The following PRKG1 variants were observed in gnomAD, a reference collection of about 807,000 sequenced individuals.
The protein encoded by PRKG1 is cGMP-dependent protein kinase 1.
PRKG1 carries 35 observed loss-of-function variants against 88.1 expected under a neutral mutation model. The observed-to-expected ratio is 0.40, with a 90% CI of 0.30 to 0.53. PRKG1 has a LOEUF of 0.53. PRKG1 is among the 20% of genes least tolerant of loss of function. PRKG1 has a pLI of 0.59. For synonymous variants in PRKG1, 303 were observed against 292.5 expected (o/e 1.04, Z -0.37); for missense variants, 540 against 839.8 (o/e 0.64, Z 4.41).
At chr10:51,721,514 C>T (rs999944926) in intron 3 of PRKG1, among the ~76,000 whole-genome samples, 7 of 152,086 alleles carry the variant, frequency 4.6e-5, no homozygotes, top group Admixed American at 1.3e-4. Flanking sequence ...TAGAAAAGTG[C>T]GGTGGAAATC....
chr10:52,062,596 A>C lies in PRKG1; in HGVS notation c.900A>C (p.Gly300=). 6.2e-7 allele frequency: 1 copy of C among 1,609,368 alleles called. No individual in the cohort carries two copies. Residue 300 remains glycine, a synonymous_variant, in exon 7 of 18, where the codon GGA becomes GGC. Transcript: ENST00000373980. The stretch of plus-strand genomic sequence containing the variant: ...ACCCAGTCTTTCTTAGAACTTTAGG[A>C]AAAGGAGACTGGTTTGGAGAGAAAG... ...SEDPVFLRTL[G]KGDWFGEKAL... is the part of the protein sequence containing the mutation.
At chr10:52,042,082 A>T (rs539265658) in intron 5 of PRKG1, among the ~76,000 whole-genome samples, 1 of 152,168 alleles carries the variant, frequency 6.6e-6, no homozygotes, top group Non-Finnish European at 1.5e-5. Flanking sequence ...AAACAGAAGG[A>T]TATTCTGTGT....
chr10:51,292,195 T>C (rs776494211), intron 2 of PRKG1, among the ~76,000 whole-genome samples: 3 of 152,190 alleles, frequency 2.0e-5, no homozygotes, highest in Non-Finnish European at 4.4e-5. Context: ...CTAAAGTTGT[T>C]TGTTTATCAA....
intron 3 of PRKG1, among the ~76,000 whole-genome samples, chr10:51,770,386 G>C (rs920803649): frequency 6.6e-6 from 1 of 152,222 alleles, no homozygotes; most frequent in Non-Finnish European, 1.5e-5. Context: ...GCCATCAGCA[G>C]TATGGTATTT....
intron 9 of PRKG1, among the ~76,000 whole-genome samples, chr10:52,211,217 T>C (rs1249428247): frequency 1.3e-5 from 2 of 151,708 alleles, no homozygotes; most frequent in African/African-American, 4.9e-5. Context: ...ACTTTCTGCC[T>C]GGGCTACAGT....
chr10:51,219,796 A>C (rs1452101329), intron 2 of PRKG1, among the ~76,000 whole-genome samples: 1 of 152,108 alleles, frequency 6.6e-6, no homozygotes, highest in Non-Finnish European at 1.5e-5. Flanking sequence ...AAGGATTGGC[A>C]GGAGAAGTTA....
intron 9 of PRKG1, among the ~76,000 whole-genome samples, chr10:52,170,154 A>G (rs574118731): frequency 6.6e-6 from 1 of 152,272 alleles, no homozygotes; most frequent in East Asian, 1.9e-4. Context: ...TCCATAAACT[A>G]TTTTTCCTGC....
chr10:51,948,774 G>T (rs1843117035), intron 5 of PRKG1, among the ~76,000 whole-genome samples: 2 of 151,998 alleles, frequency 1.3e-5, no homozygotes, highest in African/African-American at 4.8e-5. Flanking sequence ...TCAACTCTTG[G>T]TCACATAGTC....
intron 3 of PRKG1, among the ~76,000 whole-genome samples, chr10:51,601,275 T>A (rs948372950): frequency 6.6e-6 from 1 of 152,130 alleles, no homozygotes; most frequent in Non-Finnish European, 1.5e-5. Context: ...TCCTTTGTGA[T>A]TGAGTCCAAG....
At chr10:51,864,223 A>G (rs1461511109) in intron 4 of PRKG1, among the ~76,000 whole-genome samples, 1 of 152,202 alleles carries the variant, frequency 6.6e-6, no homozygotes, top group Non-Finnish European at 1.5e-5. Context: ...TCCTACTACT[A>G]TAATCAAACC....
intron 10 of PRKG1, among the ~76,000 whole-genome samples, chr10:52,270,192 C>T (rs1422535936): frequency 6.6e-6 from 1 of 152,076 alleles, no homozygotes; most frequent in East Asian, 1.9e-4. Context: ...GGGTCCACCA[C>T]TCAAGCTAAA....
chr10:52,076,937 G>A (rs551680336), intron 7 of PRKG1, among the ~76,000 whole-genome samples: 28 of 150,960 alleles, frequency 1.9e-4, no homozygotes, highest in African/African-American at 6.8e-4. Context: ...ATCATATAAA[G>A]TATTGGAGAG....
intron 3 of PRKG1, among the ~76,000 whole-genome samples, chr10:51,764,404 A>AGACC (rs1480720453): frequency 2.0e-5 from 3 of 152,198 alleles, no homozygotes; most frequent in Admixed American, 6.5e-5. Context: ...GGAGAAGAAT[A>AGACC]GACCTGAGAG....
chr10:51,097,968 T>C (rs1844579387), intron 1 of PRKG1, among the ~76,000 whole-genome samples: 1 of 152,188 alleles, frequency 6.6e-6, no homozygotes, highest in Non-Finnish European at 1.5e-5. Context: ...TAGCCTTCTT[T>C]TCGTGGGAAG....
chr10:51,919,210 G>C (rs1842409583), intron 5 of PRKG1, among the ~76,000 whole-genome samples: 1 of 152,142 alleles, frequency 6.6e-6, no homozygotes, highest in Non-Finnish European at 1.5e-5. Flanking sequence ...GTATAAGTCT[G>C]TTTCCTGGTA....
chr10:51,534,801 ATAAC>A (rs1184916554), intron 3 of PRKG1, among the ~76,000 whole-genome samples: 2 of 152,150 alleles, frequency 1.3e-5, no homozygotes, highest in African/African-American at 4.8e-5. Flanking sequence ...GAAGAAGTGA[ATAAC>A]TAATTTTATC....
chr10:52,052,014 C>G (rs781012517), intron 5 of PRKG1, among the ~76,000 whole-genome samples: 1 of 152,166 alleles, frequency 6.6e-6, no homozygotes, highest in Non-Finnish European at 1.5e-5. Flanking sequence ...AACTGTAACT[C>G]TGCTACTACC....
intron 2 of PRKG1, among the ~76,000 whole-genome samples, chr10:51,197,099 A>G (rs1214383124): frequency 6.6e-6 from 1 of 152,066 alleles, no homozygotes; most frequent in Non-Finnish European, 1.5e-5. Flanking sequence ...TACAGTACCT[A>G]TTTAAGTGAC....
chr10:51,514,540 C>A (rs1302210004), intron 3 of PRKG1, among the ~76,000 whole-genome samples: 1 of 152,174 alleles, frequency 6.6e-6, no homozygotes, highest in African/African-American at 2.4e-5. Flanking sequence ...AAAGGCAAAG[C>A]ATGGTAAATA....
Sources: allele counts gnomAD v4.1 joint callset (sites outside exome capture counted in the v4.1 genomes callset), GRCh38; gene constraint gnomAD v4.1.1; transcripts MANE v1.5; gene names NCBI Gene and HGNC (gene_info 2026-07-23, HGNC 2026-07-21).